Variants in SMIM10L3 observed in about 807,000 individuals in gnomAD.
SMIM10L3 encodes salivary gland specific protein SAGSIN1.
the SMIM10L3 span, among the ~76,000 whole-genome samples, chr7:6,337,164 C>T: frequency 1.2e-4 from 18 of 152,070 alleles, no homozygotes; most frequent in East Asian, 1.7e-3. Flanking sequence ...CTCTGCTTCC[C>T]GCACTCAAGC....
At chr7:6,348,806 G>A in the SMIM10L3 span, 1 of 395,952 alleles carries the variant, frequency 2.5e-6, no homozygotes, top group Non-Finnish European at 4.5e-6. Flanking sequence ...TCTCCGCGCC[G>A]CGTCGCCCCG....
chr7:6,338,293 T>C, the SMIM10L3 span, among the ~76,000 whole-genome samples: 1 of 152,162 alleles, frequency 6.6e-6, no homozygotes, highest in Non-Finnish European at 1.5e-5. Context: ...TAGAGATATA[T>C]TGTACCAGAT....
At chr7:6,329,678 A>C in the SMIM10L3 span, 1 of 165,166 alleles carries the variant, frequency 6.1e-6, no homozygotes, top group Non-Finnish European at 1.5e-5. Context: ...GAATCTGGGA[A>C]ACTTTTTATG....
chr7:6,336,396 A>G, the SMIM10L3 span, among the ~76,000 whole-genome samples: 1 of 151,288 alleles, frequency 6.6e-6, no homozygotes, highest in Admixed American at 6.6e-5. Context: ...ATAAAAGAAT[A>G]CAGGCCAGGC....
At chr7:6,334,142 A>G in the SMIM10L3 span, among the ~76,000 whole-genome samples, 17 of 150,656 alleles carry the variant, frequency 1.1e-4, no homozygotes, top group South Asian at 6.5e-4. Context: ...CACCGCACCC[A>G]GCCGAACTCC....
At chr7:6,342,411 G>A in the SMIM10L3 span, among the ~76,000 whole-genome samples, 2 of 151,938 alleles carry the variant, frequency 1.3e-5, no homozygotes, top group East Asian at 3.9e-4. Flanking sequence ...TGGGCATGGT[G>A]GTAGGCACCT....
the SMIM10L3 span, among the ~76,000 whole-genome samples, chr7:6,340,839 C>A: frequency 2.1e-5 from 3 of 139,536 alleles, no homozygotes; most frequent in Admixed American, 1.5e-4. Context: ...GCGGAGCTGG[C>A]AGTGAGCCGA....
chr7:6,333,837 C>G, the SMIM10L3 span, among the ~76,000 whole-genome samples: 1 of 144,824 alleles, frequency 6.9e-6, no homozygotes, highest in East Asian at 2.0e-4. Flanking sequence ...GAACTCCTGG[C>G]CTCTTTTTTT....
the SMIM10L3 span, among the ~76,000 whole-genome samples, chr7:6,336,711 T>C: frequency 1.5e-3 from 219 of 148,084 alleles, no homozygotes; most frequent in Non-Finnish European, 2.3e-3. Context: ...TGGAGTGCAA[T>C]GGCACAGTCA....
At chr7:6,344,622 T>C in the SMIM10L3 span, among the ~76,000 whole-genome samples, 3 of 152,168 alleles carry the variant, frequency 2.0e-5, no homozygotes, top group East Asian at 5.8e-4. Flanking sequence ...TTTCGCCCTG[T>C]TGCCCAGGCT....
the SMIM10L3 span, among the ~76,000 whole-genome samples, chr7:6,340,019 G>A: frequency 1.3e-5 from 2 of 152,072 alleles, no homozygotes; most frequent in Non-Finnish European, 2.9e-5. Context: ...TGAGTAGCTG[G>A]GATTACAGGC....
the SMIM10L3 span, among the ~76,000 whole-genome samples, chr7:6,332,278 A>G: frequency 6.6e-6 from 1 of 152,082 alleles, no homozygotes; most frequent in Admixed American, 6.6e-5. Context: ...AAACCTTAAG[A>G]GTAAGGCAAA....
At chr7:6,348,788 G>T in the SMIM10L3 span, 1 of 396,910 alleles carries the variant, frequency 2.5e-6, no homozygotes, top group East Asian at 3.6e-5. Context: ...CAGCCCCCCC[G>T]CCCGCCCTCT....
the SMIM10L3 span, among the ~76,000 whole-genome samples, chr7:6,342,564 T>A: frequency 6.6e-6 from 1 of 151,538 alleles, no homozygotes; most frequent in Non-Finnish European, 1.5e-5. Context: ...CTTTTTGAAA[T>A]GGTTAGAGGA....
At chr7:6,330,044 G>A in the SMIM10L3 span, 1 of 289,008 alleles carries the variant, frequency 3.5e-6, no homozygotes, top group Non-Finnish European at 6.8e-6. Context: ...ACAGGATTTG[G>A]GACAGTAGCC....
At chr7:6,337,304 T>C in the SMIM10L3 span, among the ~76,000 whole-genome samples, 2 of 152,042 alleles carry the variant, frequency 1.3e-5, no homozygotes, top group Admixed American at 1.3e-4. Flanking sequence ...GTATTTTGAG[T>C]AGATATGGGG....
At chr7:6,333,947 C>T in the SMIM10L3 span, among the ~76,000 whole-genome samples, 536 of 149,458 alleles carry the variant, frequency 3.6e-3, 1 homozygote, top group Non-Finnish European at 5.2e-3. Context: ...CCCGGGTTCA[C>T]GCCATTCTCC....
At chr7:6,338,005 T>C in the SMIM10L3 span, among the ~76,000 whole-genome samples, 7 of 151,832 alleles carry the variant, frequency 4.6e-5, no homozygotes, top group Non-Finnish European at 8.8e-5. Context: ...GGTTTCACCA[T>C]GTTGGCCAGG....
At chr7:6,331,033 G>A in the SMIM10L3 span, 1 of 1,614,036 alleles carries the variant, frequency 6.2e-7, no homozygotes, top group East Asian at 2.2e-5. Context: ...GGGTGCATCT[G>A]CAGGCCAAGG....
Sources: gnomAD v4.1 joint callset for allele counts (sites outside exome capture counted in the v4.1 genomes callset) on GRCh38, gnomAD v4.1.1 for gene constraint, MANE v1.5 for transcripts, NCBI Gene and HGNC (gene_info 2026-07-23, HGNC 2026-07-21) for gene names.